The following EPS8 variants were observed in gnomAD, a reference collection of about 807,000 sequenced individuals.
EPS8 encodes the protein epidermal growth factor receptor kinase substrate 8.
EPS8 carries 42 observed loss-of-function variants against 103.8 expected under a neutral mutation model. The ratio of observed to expected loss-of-function variants is 0.40; its 90% CI spans 0.32 to 0.52. The LOEUF (loss-of-function observed/expected upper bound fraction) is 0.52. Among genes scored for constraint, EPS8 ranks in the 20% least tolerant of loss-of-function variants. The pLI, the probability that EPS8 is intolerant of heterozygous loss-of-function variation, is 0.40. For synonymous variants in EPS8, 344 were observed against 344.6 expected (o/e 1.00, Z 0.02); for missense variants, 969 against 1,005.1 (o/e 0.96, Z 0.49).
chr12:15,640,698 C>G lies in EPS8; in HGVS notation c.1821+5G>C, dbSNP rs762821129. ...TACTACATTTTACTAAGAAATCATG[C>G]TCACCTGTATAGTATGAGTATAAGG... is the stretch of plus-strand genomic sequence containing the variant. On this transcript the variant is annotated splice_donor_5th_base_variant and intron_variant, in intron 17 of 20. Transcript: ENST00000281172. 6.2e-7 allele frequency: 1 copy of G among 1,609,876 alleles called. No homozygotes were observed. The highest frequency in any genetic ancestry group is 1.3e-5 in the African/African-American group (1 of 74,768).
At chr12:15,720,201 C>T (rs1946579539) in intron 1 of EPS8, among the ~76,000 whole-genome samples, 1 of 152,044 alleles carries the variant, frequency 6.6e-6, no homozygotes, top group Admixed American at 6.5e-5. Flanking sequence ...TAGCATAGTA[C>T]CTGATTAATT....
rs1947290313 is a variant in EPS8 at position 15,784,486 on chromosome 12, A to T, written c.-22+4675T>A. Among the ~76,000 whole-genome samples, 1 of 152,152 alleles carries T rather than the reference A, an allele frequency of 6.6e-6. No individual in the cohort carries two copies. Among genetic ancestry groups the T allele is most frequent in the Admixed American group, 6.5e-5 (1 of 15,274 alleles). ...GGGTAAAATCCAAAAAAGCTGACAAAATCAAATGCTAGCAAAGATGTGGGG... is the reference window on the plus strand; with the variant it reads ...GGGTAAAATCCAAAAAAGCTGACAATATCAAATGCTAGCAAAGATGTGGGG... On this transcript the variant is annotated intron_variant, in intron 1 of 20. Transcript: ENST00000281172. This position sits in a 1 kb window ranked among gnomAD's most constrained non-coding sequence, Gnocchi z 4.0.
chr12:15,718,349 A>G (rs904629077), intron 1 of EPS8, among the ~76,000 whole-genome samples: 47 of 152,350 alleles, frequency 3.1e-4, no homozygotes, highest in African/African-American at 1.1e-3. Flanking sequence ...GAAATAACCA[A>G]ATAGTCACAA....
At chr12:15,683,671 AT>A (rs1222160321) in intron 1 of EPS8, 1 of 152,188 alleles carries the variant, frequency 6.6e-6, no homozygotes, top group African/African-American at 2.4e-5. Context: ...TTTTAAATCT[AT>A]TTTACAGATT....
chr12:15,683,062 C>T, intron 1 of EPS8, 90 bp from the exon 2 acceptor site: 1 of 622,214 alleles, frequency 1.6e-6, no homozygotes, highest in African/African-American at 1.9e-5. Flanking sequence ...ATATGTGTTG[C>T]TGCCAGGAAT....
intron 1 of EPS8, among the ~76,000 whole-genome samples, chr12:15,685,418 C>G (rs1946078808): frequency 6.6e-6 from 1 of 152,064 alleles, no homozygotes; most frequent in Admixed American, 6.5e-5. Flanking sequence ...ATAAATTAAA[C>G]CCCCAGGGTT....
At chr12:15,672,993 G>T (rs1945842909) in intron 3 of EPS8, among the ~76,000 whole-genome samples, 1 of 152,152 alleles carries the variant, frequency 6.6e-6, no homozygotes, top group Admixed American at 6.5e-5. Flanking sequence ...CTGAAATACT[G>T]TGTGTTTCTA....
In EPS8 at chr12:15,733,202, A is replaced by G. The variant is rs906359407; in HGVS notation, c.-21-50230T>C. On this transcript the variant is annotated intron_variant, in intron 1 of 20. Coordinates refer to ENST00000281172, the MANE Select transcript of EPS8 (RefSeq NM_004447.6). The surrounding 1 kb of genome is among the most constrained non-coding windows in gnomAD (Gnocchi z 4.8). ...TGACTCACAGTTCCACGGGCTTAAC[A>G]GGAAGCATAGCTGAGAGGCCTCAGG... Among the ~76,000 whole-genome samples the G allele has an allele frequency of 2.6e-5, 4 of 152,222 alleles. No individual in the cohort carries two copies. The highest frequency in any genetic ancestry group is 5.9e-5 in the Non-Finnish European group (4 of 68,034).
intron 3 of EPS8, among the ~76,000 whole-genome samples, chr12:15,674,849 T>A (rs1289271019): frequency 3.1e-4 from 1 of 3,206 alleles, no homozygotes; most frequent in East Asian, 0.015. Flanking sequence ...AAATTTGTTC[T>A]GTTAAAAAAA....
rs138518548 is a variant in EPS8, at chr12:15,660,726, G to A, written c.825C>T (p.His275=). 384 of 1,601,616 alleles carry A rather than the reference G, an allele frequency of 2.4e-4. 1 individual carries two copies. In the African/African-American group the frequency reaches 4.7e-3, roughly 20 times the overall value. ...RIDRDVQILN[H]ILDDIEFFIT... Reference sequence around the variant, plus strand: ...TAAAAAATTCAATGTCATCCAAAATGTGGTTTAAGATTTGCTGAAATTAGA... The same window carrying A: ...TAAAAAATTCAATGTCATCCAAAATATGGTTTAAGATTTGCTGAAATTAGA... Residue 275 remains histidine (H), a synonymous_variant, in exon 10 of 21, where the codon CAC becomes CAT. Transcript: ENST00000281172.
chr12:15,659,526 A>G (rs1945567809), intron 10 of EPS8, among the ~76,000 whole-genome samples: 1 of 152,184 alleles, frequency 6.6e-6, no homozygotes, highest in Admixed American at 6.5e-5. Flanking sequence ...GAGAATTTCA[A>G]AAGGAATAAG....
Position 15,700,161 on chromosome 12 carries a change from A to G in EPS8, c.-21-17189T>C, listed in dbSNP as rs577947921. Among the ~76,000 whole-genome samples, 6 of 152,296 alleles carry G rather than the reference A, an allele frequency of 3.9e-5. No individual in the cohort carries two copies. Among genetic ancestry groups the G allele is most frequent in the African/African-American group, 1.2e-4 (5 of 41,554 alleles). On this transcript the variant is annotated intron_variant, in intron 1 of 20. Coordinates refer to ENST00000281172, the MANE Select transcript of EPS8 (RefSeq NM_004447.6). The surrounding 1 kb of genome is among the most constrained non-coding windows in gnomAD (Gnocchi z 5.1). ...CAGAATGAGACTCCATCTCAAAAAC[A>G]ACAACAACAAAAAAAGAAACTCTTC...
chr12:15,663,781 G>A (rs2135824858), intron 8 of EPS8, among the ~76,000 whole-genome samples: 1 of 151,110 alleles, frequency 6.6e-6, no homozygotes. Context: ...AATTAGCCAG[G>A]TATGGTGGCA....
At chr12:15,687,944 T>C (rs997201614) in intron 1 of EPS8, among the ~76,000 whole-genome samples, 1 of 152,258 alleles carries the variant, frequency 6.6e-6, no homozygotes, top group Non-Finnish European at 1.5e-5. Flanking sequence ...CTAAATGCAT[T>C]CTATTGTCTT....
chr12:15,639,997 C>T (rs1001166877), intron 17 of EPS8, among the ~76,000 whole-genome samples: 25 of 152,152 alleles, frequency 1.6e-4, no homozygotes, highest in Non-Finnish European at 2.8e-4. Context: ...GAGAGCCTGG[C>T]ACAGGTCTAA....
At chr12:15,626,092 C>A (rs923540394) in intron 18 of EPS8, among the ~76,000 whole-genome samples, 1 of 152,174 alleles carries the variant, frequency 6.6e-6, no homozygotes, top group African/African-American at 2.4e-5. Context: ...ACAATTCTAT[C>A]TTTCCAGTTC....
chr12:15,788,519 A>G (rs896638530), intron 1 of EPS8, among the ~76,000 whole-genome samples: 2 of 152,196 alleles, frequency 1.3e-5, no homozygotes, highest in African/African-American at 4.8e-5. Flanking sequence ...CAGGGAGTAC[A>G]TGGGTGGGGA....
intron 3 of EPS8, among the ~76,000 whole-genome samples, chr12:15,675,197 T>C (rs865834241): frequency 6.6e-6 from 1 of 152,188 alleles, no homozygotes; most frequent in Non-Finnish European, 1.5e-5. Flanking sequence ...ATAGGTTACT[T>C]ATACTCAATT....
rs566494395 is a variant in EPS8 at position 15,693,582 on chromosome 12, C to T, written c.-21-10610G>A. On this transcript the variant is annotated intron_variant, in intron 1 of 20. Transcript: ENST00000281172. The surrounding 1 kb of genome is among the most constrained non-coding windows in gnomAD (Gnocchi z 5.6). ...AGCATGTAAGGACTTCTAGGTTAAT[C>T]ACAATTATCCACAGGCTTTATAGAG... Among the ~76,000 whole-genome samples the T allele has an allele frequency of 6.6e-6, 1 of 152,336 alleles. No individual in the cohort carries two copies. The highest frequency in any genetic ancestry group is 2.1e-4 in the South Asian group (1 of 4,830).
Sources: allele counts gnomAD v4.1 joint callset (sites outside exome capture counted in the v4.1 genomes callset), GRCh38; gene constraint gnomAD v4.1.1; non-coding constraint Gnocchi (gnomAD v3.1); transcripts MANE v1.5; gene names NCBI Gene and HGNC (gene_info 2026-07-23, HGNC 2026-07-21).